Variants in FAM185A observed in about 807,000 individuals in gnomAD.
FAM185A encodes the protein protein FAM185A.
FAM185A carries 21 observed loss-of-function variants against 45.7 expected under a neutral mutation model. The observed-to-expected ratio is 0.46, with a 90% CI of 0.33 to 0.66. FAM185A has a LOEUF of 0.66. FAM185A is among the 30% of genes least tolerant of loss of function. FAM185A has a pLI of 0.03. For synonymous variants in FAM185A, 117 were observed against 194.0 expected, an observed-to-expected ratio of 0.60 and a Z score of 3.30; for missense variants, 305 against 485.4, an observed-to-expected ratio of 0.63 and a Z score of 3.49.
chr7:102,834,107 AAAG>A, the FAM185A span, among the ~76,000 whole-genome samples: 2,008 of 115,142 alleles, frequency 0.017, 108 homozygotes, highest in East Asian at 0.077. Context: ...AGAAAGAAAG[AAAG>A]AAAGAAAGAA....
the FAM185A span, among the ~76,000 whole-genome samples, chr7:102,847,385 T>C: frequency 6.6e-6 from 1 of 152,224 alleles, no homozygotes; most frequent in African/African-American, 2.4e-5. Flanking sequence ...CCACATTCCC[T>C]AAATTATATT....
chr7:102,832,765 C>T, the FAM185A span: 1 of 1,571,104 alleles, frequency 6.4e-7, no homozygotes, highest in Non-Finnish European at 8.7e-7. Flanking sequence ...CTGAGTCCAG[C>T]CCTGATCGCT....
At chr7:102,763,787 T>C (rs1314820127) in intron 4 of FAM185A, among the ~76,000 whole-genome samples, 2 of 152,238 alleles carry the variant, frequency 1.3e-5, no homozygotes, top group Non-Finnish European at 2.9e-5. Flanking sequence ...GAATATAGCA[T>C]CTACTACAGT....
chr7:102,827,604 C>T, the FAM185A span, among the ~76,000 whole-genome samples: 3 of 151,226 alleles, frequency 2.0e-5, no homozygotes, highest in Admixed American at 6.6e-5. Context: ...TATACATGTG[C>T]CATGTTGGTG....
chr7:102,799,291 CAA>C (rs1408344648), intron 7 of FAM185A, among the ~76,000 whole-genome samples: 1 of 151,956 alleles, frequency 6.6e-6, no homozygotes, highest in African/African-American at 2.4e-5. Flanking sequence ...GAAAATATAG[CAA>C]GAGAAGAAGA....
chr7:102,777,975 T>C (rs1175518669), intron 6 of FAM185A, among the ~76,000 whole-genome samples: 1 of 152,228 alleles, frequency 6.6e-6, no homozygotes, highest in African/African-American at 2.4e-5. Context: ...TGTACACATA[T>C]GTGTTGACAA....
At chr7:102,837,051 T>G in the FAM185A span, among the ~76,000 whole-genome samples, 1 of 152,224 alleles carries the variant, frequency 6.6e-6, no homozygotes, top group Non-Finnish European at 1.5e-5. Context: ...AAAATGCAAC[T>G]TCCACAATTT....
At chr7:102,819,301 T>C in the FAM185A span, among the ~76,000 whole-genome samples, 14 of 152,228 alleles carry the variant, frequency 9.2e-5, no homozygotes, top group Non-Finnish European at 1.3e-4. Context: ...CTCCTTGAAA[T>C]AAAGGAGCCT....
At chr7:102,819,489 A>G in the FAM185A span, among the ~76,000 whole-genome samples, 1 of 152,176 alleles carries the variant, frequency 6.6e-6, no homozygotes, top group Non-Finnish European at 1.5e-5. Context: ...TGAGCTGAGC[A>G]GACATCTTTG....
chr7:102,807,750 TAA>T (rs57307357), intron 7 of FAM185A, among the ~76,000 whole-genome samples: 19,021 of 135,420 alleles, frequency 0.14, 1,730 homozygotes, highest in East Asian at 0.51. Context: ...CGTCTCCACT[TAA>T]AAAAAAAAAA....
the FAM185A span, among the ~76,000 whole-genome samples, chr7:102,825,315 C>T: frequency 6.6e-6 from 1 of 152,138 alleles, no homozygotes; most frequent in African/African-American, 2.4e-5. Flanking sequence ...AACCTGTTAT[C>T]ATGAGAGTGG....
intron 6 of FAM185A, among the ~76,000 whole-genome samples, chr7:102,783,868 C>A (rs1156426614): frequency 1.3e-5 from 2 of 152,086 alleles, no homozygotes; most frequent in East Asian, 1.9e-4. Context: ...ACACAAAAAA[C>A]CCTTCAAAAA....
chr7:102,761,566 A>G (rs1261707427), intron 4 of FAM185A, among the ~76,000 whole-genome samples, 155 bp downstream of exon 4: 1 of 151,828 alleles, frequency 6.6e-6, no homozygotes, highest in Non-Finnish European at 1.5e-5. Flanking sequence ...ATAAAAATAA[A>G]ATGACTCATA....
intron 7 of FAM185A, among the ~76,000 whole-genome samples, chr7:102,794,647 A>G (rs909783394): frequency 2.0e-5 from 3 of 152,230 alleles, no homozygotes; most frequent in African/African-American, 7.2e-5. Flanking sequence ...ATCACCTAGC[A>G]TTTATATTCC....
At chr7:102,809,408 A>G (rs1797306399), downstream of FAM185A, among the ~76,000 whole-genome samples, 1 of 152,184 alleles carries the variant, frequency 6.6e-6, no homozygotes, top group African/African-American at 2.4e-5. Flanking sequence ...AAATTATATA[A>G]TACTGGCCAG....
intron 1 of FAM185A, among the ~76,000 whole-genome samples, chr7:102,750,809 TTAAA>T (rs1175929527): frequency 6.6e-6 from 1 of 152,222 alleles, no homozygotes; most frequent in Non-Finnish European, 1.5e-5. Flanking sequence ...CAGTTACATC[TTAAA>T]TAGACAGCCA....
rs571312749 is a variant in FAM185A, at chr7:102,757,908, GT to G, written c.619del (p.Tyr207MetfsTer4). On this transcript the variant is annotated frameshift_variant, in exon 3 of 8. Transcript: ENST00000413034. LOFTEE classifies it high-confidence loss of function. Reference protein sequence around the residue: ...KGGKVICLGTVYGNIDIHASD... With the variant: ...KGGKVICLGTXYGNIDIHASD... ...AGGCAAAGTGATCTGTCTGGGAACA[GT>G]TTATGGAAATATAGATATTCATGCA... is the stretch of plus-strand genomic sequence containing the variant. The G allele has an allele frequency of 1.4e-4, 217 of 1,537,072 alleles. No homozygotes were observed. In the African/African-American group the frequency reaches 2.8e-3, roughly 20 times the overall value.
rs552057092 is a variant in FAM185A, at chr7:102,781,510, G to A, written c.931+4162G>A. 1.2e-3 allele frequency among the ~76,000 whole-genome samples: 182 copies of A among 152,240 alleles called. 1 individual carries two copies. The highest frequency in any genetic ancestry group is 2.0e-3 in the Non-Finnish European group (133 of 68,026). On this transcript the variant is annotated intron_variant, in intron 6 of 7. Coordinates refer to ENST00000413034, the MANE Select transcript of FAM185A (RefSeq NM_001145268.2). ...CAACATCTGCTCTTCACCAATATCC[G>A]CTGTTCTGCAGCCTCTGCTGCTGAT...
chr7:102,784,227 G>C (rs1250517377), intron 6 of FAM185A, among the ~76,000 whole-genome samples: 2 of 151,556 alleles, frequency 1.3e-5, no homozygotes, highest in Non-Finnish European at 2.9e-5. Flanking sequence ...AGGACCAGAT[G>C]GATTCACAGC....
Sources: gnomAD v4.1 joint callset for allele counts (sites outside exome capture counted in the v4.1 genomes callset) on GRCh38, gnomAD v4.1.1 for gene constraint, MANE v1.5 for transcripts, NCBI Gene and HGNC (gene_info 2026-07-23, HGNC 2026-07-21) for gene names.